The following MDFIC2 variants were observed in gnomAD, a reference collection of about 807,000 sequenced individuals.
MDFIC2 encodes the protein myoD family inhibitor domain-containing protein 2.
chr3:70,297,619 C>T (rs1575619402), intron 2 of MDFIC2, among the ~76,000 whole-genome samples: 2 of 152,042 alleles, frequency 1.3e-5, no homozygotes, highest in South Asian at 4.1e-4. Context: ...TAAATTCTTC[C>T]TTCAAGGATG....
At chr3:70,217,529 A>G (rs920314572) in intron 2 of MDFIC2, among the ~76,000 whole-genome samples, 1 of 152,120 alleles carries the variant, frequency 6.6e-6, no homozygotes. Flanking sequence ...TACCACTAAA[A>G]TATTTTATTT....
chr3:70,239,195 A>C (rs1701641133), intron 2 of MDFIC2, among the ~76,000 whole-genome samples: 1 of 152,220 alleles, frequency 6.6e-6, no homozygotes, highest in Non-Finnish European at 1.5e-5. Flanking sequence ...TATGTTGAGT[A>C]CGTACTCAGT....
chr3:70,311,509 C>T (rs1228600736), intron 2 of MDFIC2, among the ~76,000 whole-genome samples: 1 of 152,096 alleles, frequency 6.6e-6, no homozygotes, highest in Non-Finnish European at 1.5e-5. Context: ...AGCAAGCATT[C>T]CTTTCTGTGA....
At chr3:70,301,144 GAC>G (rs1470806958) in intron 2 of MDFIC2, among the ~76,000 whole-genome samples, 3 of 152,010 alleles carry the variant, frequency 2.0e-5, no homozygotes, top group Non-Finnish European at 4.4e-5. Context: ...TTTCTTCTGA[GAC>G]ACAGCTGTAA....
chr3:70,302,998 T>C (rs1702365407), intron 2 of MDFIC2, among the ~76,000 whole-genome samples: 1 of 152,202 alleles, frequency 6.6e-6, no homozygotes, highest in African/African-American at 2.4e-5. Context: ...TGCTGAACTT[T>C]CTAAATATAA....
intron 2 of MDFIC2, among the ~76,000 whole-genome samples, chr3:70,279,374 T>C (rs1702058780): frequency 1.3e-5 from 2 of 152,122 alleles, no homozygotes. Flanking sequence ...CAATGGTCAT[T>C]TGATTAACTA....
At chr3:70,292,737 A>G (rs1007193026) in intron 2 of MDFIC2, among the ~76,000 whole-genome samples, 32 of 152,092 alleles carry the variant, frequency 2.1e-4, no homozygotes, top group Non-Finnish European at 3.4e-4. Flanking sequence ...TCACACACAC[A>G]CACATGCACA....
chr3:70,217,074 GT>G (rs1701419111), intron 2 of MDFIC2, among the ~76,000 whole-genome samples: 1 of 151,970 alleles, frequency 6.6e-6, no homozygotes. Context: ...TATTTTATTT[GT>G]TTACTTGCTT....
At chr3:70,300,369 G>T (rs1362583806) in intron 2 of MDFIC2, among the ~76,000 whole-genome samples, 1 of 151,884 alleles carries the variant, frequency 6.6e-6, no homozygotes, top group Non-Finnish European at 1.5e-5. Flanking sequence ...TAGGCACATC[G>T]AGTATTATTT....
At chr3:70,256,645 A>G (rs955903440) in intron 2 of MDFIC2, among the ~76,000 whole-genome samples, 1 of 152,206 alleles carries the variant, frequency 6.6e-6, no homozygotes, top group Non-Finnish European at 1.5e-5. Flanking sequence ...GAAATCCTCA[A>G]GCCATGAGAT....
intron 2 of MDFIC2, among the ~76,000 whole-genome samples, chr3:70,255,234 T>G (rs541795191): frequency 4.6e-5 from 7 of 152,288 alleles, no homozygotes; most frequent in African/African-American, 1.7e-4. Context: ...ATAAGATGAA[T>G]AGTAGCTTAG....
intron 2 of MDFIC2, among the ~76,000 whole-genome samples, chr3:70,281,800 C>T (rs572263896): frequency 2.6e-4 from 39 of 152,264 alleles, no homozygotes; most frequent in Non-Finnish European, 5.4e-4. Context: ...AATTCTTGCA[C>T]ATATGAATCA....
chr3:70,286,156 T>C (rs561858787), intron 2 of MDFIC2, among the ~76,000 whole-genome samples: 5 of 152,350 alleles, frequency 3.3e-5, no homozygotes, highest in Non-Finnish European at 1.5e-5. Context: ...TGAATGGTAA[T>C]GCCTAGGTTT....
intron 2 of MDFIC2, among the ~76,000 whole-genome samples, chr3:70,300,803 G>A (rs530057674): frequency 3.8e-4 from 58 of 152,016 alleles, no homozygotes; most frequent in African/African-American, 1.3e-3. Context: ...TTTAATTAAC[G>A]GATGTCAGCC....
intron 2 of MDFIC2, among the ~76,000 whole-genome samples, chr3:70,293,214 C>A (rs1196878619): frequency 1.3e-5 from 2 of 151,930 alleles, no homozygotes; most frequent in African/African-American, 2.4e-5. Context: ...CTGGTGAAGC[C>A]TACAGACTCC....
intron 2 of MDFIC2, among the ~76,000 whole-genome samples, chr3:70,249,370 A>G (rs1475494391): frequency 6.6e-6 from 1 of 152,146 alleles, no homozygotes; most frequent in Non-Finnish European, 1.5e-5. Context: ...GATCTATCAT[A>G]TTGTGCAAAT....
chr3:70,206,888 G>C (rs978066352), intron 2 of MDFIC2, 98 bp from the exon 3 acceptor site: 2 of 395,354 alleles, frequency 5.1e-6, no homozygotes, highest in Non-Finnish European at 4.5e-6. Context: ...ACTTTCCTAA[G>C]ATTAAAGTCT....
intron 3 of MDFIC2, chr3:70,205,112 G>A (rs1041588437): frequency 3.3e-5 from 5 of 152,152 alleles, no homozygotes; most frequent in African/African-American, 1.2e-4. Context: ...AGTACCTTGA[G>A]CTTTGAAAAA....
intron 2 of MDFIC2, among the ~76,000 whole-genome samples, chr3:70,259,692 T>C (rs996154024): frequency 2.0e-5 from 3 of 152,348 alleles, no homozygotes; most frequent in South Asian, 2.1e-4. Context: ...CCATGGCTAC[T>C]GTAACAAAGT....
Sources: allele counts gnomAD v4.1 joint callset (sites outside exome capture counted in the v4.1 genomes callset), GRCh38; gene constraint gnomAD v4.1.1; transcripts MANE v1.5; gene names NCBI Gene and HGNC (gene_info 2026-07-23, HGNC 2026-07-21).